TCF12: variants seen among roughly 807,000 people sequenced by gnomAD.
The protein encoded by TCF12 is DNA-binding protein HTF4.
Under a neutral mutation model 86.0 loss-of-function variants are expected in TCF12, and 45 were observed. That is an observed-to-expected ratio of 0.52 (90% CI 0.41 to 0.67). The LOEUF is 0.67. TCF12 is among the 30% of genes least tolerant of loss of function. The pLI, the probability that TCF12 is intolerant of heterozygous loss-of-function variation, is 0.00. For missense variants in TCF12, 881 were observed against 859.9 expected, an observed-to-expected ratio of 1.02 and a Z score of -0.31; for synonymous variants, 330 against 299.6, an observed-to-expected ratio of 1.10 and a Z score of -1.05.
At chr15:57,143,007 T>G (rs1489209154) in intron 5 of TCF12, among the ~76,000 whole-genome samples, 1 of 151,896 alleles carries the variant, frequency 6.6e-6, no homozygotes, top group Non-Finnish European at 1.5e-5. Context: ...ACTAAAAGAG[T>G]ATATTTGGAC....
At chr15:57,219,349 C>T in intron 8 of TCF12, 1 of 1,255,694 alleles carries the variant, frequency 8.0e-7, no homozygotes, top group Non-Finnish European at 1.0e-6. Flanking sequence ...CAGCATAAAC[C>T]CTCCCTCTGT....
chr15:57,021,170 G>C (rs1445537044), intron 3 of TCF12, among the ~76,000 whole-genome samples: 1 of 152,172 alleles, frequency 6.6e-6, no homozygotes, highest in African/African-American at 2.4e-5. Flanking sequence ...TTTCAGATAT[G>C]GAAGGTGTGA....
chr15:57,027,178 A>G (rs919812707), intron 3 of TCF12, among the ~76,000 whole-genome samples: 3 of 152,212 alleles, frequency 2.0e-5, no homozygotes, highest in African/African-American at 7.2e-5. Context: ...TCTAATCAAG[A>G]TAGGGACCAT....
At chr15:57,225,388 C>A (rs547716140) in intron 8 of TCF12, among the ~76,000 whole-genome samples, 15 of 151,604 alleles carry the variant, frequency 9.9e-5, no homozygotes, top group African/African-American at 3.6e-4. Context: ...TACAGGCGCC[C>A]GCCACCATGC....
At chr15:57,133,770 G>C (rs2052322494) in intron 5 of TCF12, among the ~76,000 whole-genome samples, 1 of 152,166 alleles carries the variant, frequency 6.6e-6, no homozygotes, top group Admixed American at 6.5e-5. Flanking sequence ...CTTTTGTAAA[G>C]GTAGTCATTC....
intron 19 of TCF12, 30 bp downstream of exon 19, chr15:57,273,292 G>A: frequency 1.9e-6 from 3 of 1,603,190 alleles, no homozygotes; most frequent in Non-Finnish European, 2.6e-6. Flanking sequence ...ATGTATAACT[G>A]TTCTGCTTCA....
At chr15:57,011,783 G>T (rs1427765540) in intron 3 of TCF12, among the ~76,000 whole-genome samples, 1 of 152,094 alleles carries the variant, frequency 6.6e-6, no homozygotes, top group Non-Finnish European at 1.5e-5. Flanking sequence ...TGCAAAAACT[G>T]ATTTTCAGTT....
chr15:57,051,428 T>C lies in TCF12; in HGVS notation c.149-12322T>C, dbSNP rs1596306088. Among the ~76,000 whole-genome samples, 9 of 152,330 alleles carry C rather than the reference T, an allele frequency of 5.9e-5. No homozygotes were observed. In the South Asian group the frequency reaches 1.7e-3, roughly 28 times the overall value. On this transcript the variant is annotated intron_variant, in intron 3 of 20. Coordinates refer to ENST00000333725, the MANE Select transcript of TCF12 (RefSeq NM_207037.2). ...TCCCTTGTGTTTCCCATCCGTAATT[T>C]CCAGTCACATTGGCATTCTCAAATT...
intron 3 of TCF12, among the ~76,000 whole-genome samples, chr15:56,944,815 A>T (rs16977158): frequency 0.032 from 4,899 of 152,258 alleles, 125 homozygotes; most frequent in Non-Finnish European, 0.047. Flanking sequence ...AAAAAATGGT[A>T]AGTATAAGTG....
At chr15:57,232,571 T>G in intron 10 of TCF12, 141 bp downstream of exon 10, 1 of 1,447,706 alleles carries the variant, frequency 6.9e-7, no homozygotes, top group Non-Finnish European at 9.3e-7. Context: ...TACCATGCCT[T>G]TCTAAAAAAT....
At chr15:57,027,454 ATTCG>A (rs2065890478) in intron 3 of TCF12, among the ~76,000 whole-genome samples, 1 of 152,190 alleles carries the variant, frequency 6.6e-6, no homozygotes, top group Admixed American at 6.5e-5. Context: ...TGATTTGGCC[ATTCG>A]TTCGTTGATG....
chr15:57,244,118 A>G (rs565119431), intron 13 of TCF12, among the ~76,000 whole-genome samples: 4 of 152,206 alleles, frequency 2.6e-5, no homozygotes, highest in South Asian at 2.1e-4. Context: ...AGCTCAAGCA[A>G]TCCTCCCACC....
At chr15:57,181,599 T>C (rs932428090) in intron 6 of TCF12, among the ~76,000 whole-genome samples, 2 of 152,208 alleles carry the variant, frequency 1.3e-5, no homozygotes, top group Admixed American at 1.3e-4. Flanking sequence ...TTCCTTTCAT[T>C]TACTTTTTGT....
At chr15:57,224,775 A>G (rs955248022) in intron 8 of TCF12, among the ~76,000 whole-genome samples, 9 of 152,298 alleles carry the variant, frequency 5.9e-5, no homozygotes, top group South Asian at 4.1e-4. Context: ...TTAACAGGCT[A>G]ATTAGGTAAA....
intron 12 of TCF12, among the ~76,000 whole-genome samples, chr15:57,237,366 G>C (rs575571048): frequency 2.0e-5 from 3 of 152,258 alleles, no homozygotes; most frequent in African/African-American, 7.2e-5. Context: ...CACAGTTCCG[G>C]GGTTGGGCTT....
rs79310433 is a variant in TCF12 at position 57,139,861 on chromosome 15, A to G, written c.326-26541A>G. On this transcript the variant is annotated intron_variant, in intron 5 of 20. Coordinates refer to ENST00000333725, the MANE Select transcript of TCF12 (RefSeq NM_207037.2). Reference sequence around the variant, plus strand: ...GAAGATCTGGAAATTACAGTAAGCCAGAAAAAGAGACAGTAAACTTCATTC... The same window carrying G: ...GAAGATCTGGAAATTACAGTAAGCCGGAAAAAGAGACAGTAAACTTCATTC... 7.7e-4 allele frequency among the ~76,000 whole-genome samples: 118 copies of G among 152,344 alleles called. 1 individual carries two copies. In the East Asian group the frequency reaches 0.017, roughly 22 times the overall value.
intron 8 of TCF12, 73 bp downstream of exon 8, chr15:57,197,898 G>C: frequency 6.7e-7 from 1 of 1,483,914 alleles, no homozygotes; most frequent in East Asian, 2.3e-5. Context: ...CTTGCTACAA[G>C]GGTACATTCG....
chr15:57,119,128 CT>C (rs2051044809), intron 5 of TCF12, among the ~76,000 whole-genome samples: 1 of 152,012 alleles, frequency 6.6e-6, no homozygotes, highest in Non-Finnish European at 1.5e-5. Context: ...GAGTCTCACT[CT>C]TTCACCAGGC....
At chr15:56,971,981 T>C (rs1205696997) in intron 3 of TCF12, among the ~76,000 whole-genome samples, 3 of 152,128 alleles carry the variant, frequency 2.0e-5, no homozygotes, top group Admixed American at 1.3e-4. Context: ...TATTATAAAA[T>C]TGCTTGTGGT....
Sources: gnomAD v4.1 joint callset for allele counts (sites outside exome capture counted in the v4.1 genomes callset) on GRCh38, gnomAD v4.1.1 for gene constraint, MANE v1.5 for transcripts, NCBI Gene and HGNC (gene_info 2026-07-23, HGNC 2026-07-21) for gene names.